MRPL42: variants seen among roughly 807,000 people sequenced by gnomAD.
The protein encoded by MRPL42 is mitochondrial ribosomal protein L42.
A neutral mutation model predicts 17.9 loss-of-function variants in MRPL42; 17 were observed. The ratio of observed to expected loss-of-function variants is 0.95; its 90% CI spans 0.65 to 1.42. The LOEUF is 1.42. Ranked by LOEUF, MRPL42 falls within the 40% of genes most tolerant of loss-of-function variation. The pLI is 0.00. For synonymous variants in MRPL42, 59 were observed against 54.4 expected, an observed-to-expected ratio of 1.08 and a Z score of -0.37; for missense variants, 177 against 175.2, an observed-to-expected ratio of 1.01 and a Z score of -0.06.
rs963139989 is a variant in MRPL42, at chr12:93,506,687, A to C, written c.*5466A>C. 9 of 152,228 alleles carry C rather than the reference A, an allele frequency of 5.9e-5. No homozygotes were observed. The highest frequency in any genetic ancestry group is 1.9e-4 in the African/African-American group (8 of 41,452). The allele number at this position is 152,228 out of a possible 1,614,324, so 9.4% of individuals were successfully genotyped here. ...GATAGCCCTCATTCCTGATTGACAA[A>C]GTATCTTGCTATGACCATCCCTTCT... On this transcript the variant is annotated 3_prime_UTR_variant, in exon 6 of 6. Transcript: ENST00000549982.
chr12:93,469,365 A>G lies in MRPL42; in HGVS notation c.70+10A>G. The stretch of plus-strand genomic sequence containing the variant: ...TTATTTCCAGTCCAAAGTAAGTGAA[A>G]TTTTTTTTAATGTTTAAAAACTTTT... On this transcript the variant is annotated intron_variant, in intron 2 of 5. Transcript: ENST00000549982. 6.3e-7 allele frequency: 1 copy of G among 1,577,854 alleles called. No homozygotes were observed. Among genetic ancestry groups the G allele is most frequent in the Admixed American group, 1.9e-5 (1 of 53,824 alleles).
chr12:93,478,825 G>A (rs1565811201), intron 3 of MRPL42, among the ~76,000 whole-genome samples: 1 of 152,072 alleles, frequency 6.6e-6, no homozygotes, highest in Non-Finnish European at 1.5e-5. Flanking sequence ...CTGTGGGATG[G>A]TCTTCATTTG....
rs1364927361 is a variant in MRPL42, at chr12:93,507,678, G to A, written c.*6457G>A. Reference sequence around the variant, plus strand: ...TGCAGCTGAGGTCACTAGTTGGGTTGTTGAGGCTGGCTAGTCCTAGATGGT... The same window carrying A: ...TGCAGCTGAGGTCACTAGTTGGGTTATTGAGGCTGGCTAGTCCTAGATGGT... On this transcript the variant is annotated 3_prime_UTR_variant, in exon 6 of 6. Transcript: ENST00000549982. 1 of 152,284 alleles carries A rather than the reference G, an allele frequency of 6.6e-6. No individual in the cohort carries two copies. The highest frequency in any genetic ancestry group is 1.5e-5 in the Non-Finnish European group (1 of 68,082). 9.4% of individuals were successfully genotyped at this position (152,284 alleles called of 1,614,324 possible).
rs1231987560 is a variant in MRPL42, at chr12:93,513,610, TATAGAA to T, written c.*12392_*12397del. ...ATTGAAGAATGACAAAAAGTTGAGT[TATAGAA>T]ATTATATTAATCTTAAATTCACATT... On this transcript the variant is annotated 3_prime_UTR_variant, in exon 6 of 6. Transcript: ENST00000549982. 1 of 152,216 alleles carries T rather than the reference TATAGAA, an allele frequency of 6.6e-6. No individual in the cohort carries two copies. The highest frequency in any genetic ancestry group is 1.5e-5 in the Non-Finnish European group (1 of 68,030). The allele number at this position is 152,216 out of a possible 1,614,324, so 9.4% of individuals were successfully genotyped here. A position where few individuals can be genotyped will look rare whatever the true frequency, so the allele number is the denominator to read the frequency against.
rs987300489 is a variant in MRPL42, at chr12:93,513,695, A to G, written c.*12474A>G. The G allele has an allele frequency of 3.9e-5, 6 of 152,096 alleles. No individual in the cohort carries two copies. Among genetic ancestry groups the G allele is most frequent in the Non-Finnish European group, 8.8e-5 (6 of 68,020 alleles). 9.4% of individuals were successfully genotyped at this position (152,096 alleles called of 1,614,324 possible). Reference sequence around the variant, plus strand: ...CTCTTTCCGTTTTATGTGTGTTCCAATTCTATTTATTGAAATTTAATTTTA... The same window carrying G: ...CTCTTTCCGTTTTATGTGTGTTCCAGTTCTATTTATTGAAATTTAATTTTA... On this transcript the variant is annotated 3_prime_UTR_variant, in exon 6 of 6. Transcript: ENST00000549982.
Position 93,511,926 on chromosome 12 carries a change from A to T in MRPL42, c.*10705A>T, listed in dbSNP as rs1953729251. On this transcript the variant is annotated 3_prime_UTR_variant, in exon 6 of 6. Transcript: ENST00000549982. ...TTTTATTTGAAAAAGTCTTGGTAGAAAAAGCATATCAACTGAACTGTACAG... is the reference window on the plus strand; with the variant it reads ...TTTTATTTGAAAAAGTCTTGGTAGATAAAGCATATCAACTGAACTGTACAG... The T allele has an allele frequency of 6.6e-6, 1 of 152,228 alleles. No individual in the cohort carries two copies. Among genetic ancestry groups the T allele is most frequent in the Non-Finnish European group, 1.5e-5 (1 of 68,042 alleles). 9.4% of individuals were successfully genotyped at this position (152,228 alleles called of 1,614,324 possible).
In MRPL42 at chr12:93,487,528, A is replaced by G. The variant is rs1349836266; in HGVS notation, c.251A>G (p.Asn84Ser). 6.2e-7 allele frequency: 1 copy of G among 1,613,938 alleles called. No homozygotes were observed. The highest frequency in any genetic ancestry group is 1.1e-5 in the South Asian group (1 of 91,064). Reference protein sequence around the residue: ...PIPRPDPVHNNEETHDQVLKT... With the variant: ...PIPRPDPVHNSEETHDQVLKT... ...CCTCGGCCAGATCCTGTGCATAATA[A>G]TGAAGAAACACATGATCAAGTGCTG... is the stretch of plus-strand genomic sequence containing the variant. The change falls in exon 5 of 6, where the codon AAT (asparagine) becomes AGT (serine). Residue 84 changes from asparagine (N) to serine (S), a missense_variant. By Grantham distance (46) the Asn-to-Ser change is conservative. Coordinates refer to ENST00000549982, the MANE Select transcript of MRPL42 (RefSeq NM_014050.4).
chr12:93,473,293 C>T (rs1370951233), intron 2 of MRPL42, among the ~76,000 whole-genome samples: 4 of 152,070 alleles, frequency 2.6e-5, no homozygotes. Context: ...TGAAGTCTCA[C>T]TCTGTTGCCC....
At position 93,476,978 on chromosome 12, in the gene MRPL42, A is replaced by T. The variant is rs375235330; in HGVS notation, c.95A>T (p.His32Leu). The part of the protein sequence containing the change: ...VQNGALYCVC[H>L]KSTYSPLPDD... The stretch of plus-strand genomic sequence containing the variant: ...GATGGAGCTTTATATTGTGTTTGTC[A>T]TAAATCTACGTATTCTCCTCTACCA... Residue 32 changes from histidine to leucine, a missense_variant, in exon 3 of 6, where the codon CAT becomes CTT. Physicochemically the swap from His to Leu is moderately conservative, Grantham distance 99 (BLOSUM62 -3). Coordinates refer to ENST00000549982, the MANE Select transcript of MRPL42 (RefSeq NM_014050.4). 6.2e-7 allele frequency: 1 copy of T among 1,609,664 alleles called. No individual in the cohort carries two copies. Among genetic ancestry groups the T allele is most frequent in the African/African-American group, 1.3e-5 (1 of 74,962 alleles).
At chr12:93,497,909 G>T (rs1953536055) in intron 5 of MRPL42, among the ~76,000 whole-genome samples, 1 of 148,146 alleles carries the variant, frequency 6.8e-6, no homozygotes. Context: ...TTACCTCTCT[G>T]CTCTCATGCC....
At chr12:93,479,120 C>T (rs770904829) in intron 3 of MRPL42, among the ~76,000 whole-genome samples, 2 of 150,950 alleles carry the variant, frequency 1.3e-5, no homozygotes, top group Non-Finnish European at 3.0e-5. Flanking sequence ...TTAGTAGAGA[C>T]GGGGTTTTGC....
intron 5 of MRPL42, 124 bp downstream of exon 5, chr12:93,487,784 C>G (rs79589017): frequency 0.053 from 46,561 of 877,826 alleles, 1,709 homozygotes; most frequent in South Asian, 0.14. Context: ...AGTAGAATCA[C>G]CTACTATGTT....
chr12:93,492,803 T>C (rs1388705662), intron 5 of MRPL42, among the ~76,000 whole-genome samples: 1 of 152,098 alleles, frequency 6.6e-6, no homozygotes, highest in Non-Finnish European at 1.5e-5. Flanking sequence ...ACATATCTTA[T>C]CATGCATGAA....
At position 93,475,751 on chromosome 12, in the gene MRPL42, G is replaced by A. The variant is rs184072516; in HGVS notation, c.71-1203G>A. Among the ~76,000 whole-genome samples, 464 of 152,168 alleles carry A rather than the reference G, an allele frequency of 3.0e-3. 5 individuals carry two copies. Among genetic ancestry groups the A allele is most frequent in the African/African-American group, 0.011 (442 of 41,534 alleles). ...TGTAATCCCAGCACTTTGGGAGGCC[G>A]AGGCAGGTGGATCACGAGGTCAGGA... On this transcript the variant is annotated intron_variant, in intron 2 of 5. Transcript: ENST00000549982.
chr12:93,489,322 G>A (rs1272853707), intron 5 of MRPL42, among the ~76,000 whole-genome samples: 1 of 152,060 alleles, frequency 6.6e-6, no homozygotes, highest in East Asian at 1.9e-4. Context: ...TTGGGTTATG[G>A]CACCCAGAAT....
At chr12:93,494,810 A>G (rs578239699) in intron 5 of MRPL42, among the ~76,000 whole-genome samples, 10 of 152,324 alleles carry the variant, frequency 6.6e-5, no homozygotes, top group Admixed American at 5.9e-4. Flanking sequence ...GAGACAAGGG[A>G]GATGAAAGGG....
intron 4 of MRPL42, among the ~76,000 whole-genome samples, chr12:93,480,611 G>A (rs1474235172): frequency 8.0e-5 from 12 of 149,832 alleles, no homozygotes; most frequent in African/African-American, 2.2e-4. Flanking sequence ...GCGCGATCTC[G>A]GCTCACAGCA....
At chr12:93,490,500 G>A (rs1280450724) in intron 5 of MRPL42, among the ~76,000 whole-genome samples, 1 of 152,176 alleles carries the variant, frequency 6.6e-6, no homozygotes, top group Non-Finnish European at 1.5e-5. Context: ...GTATCATCTT[G>A]CTGAATTTTA....
At chr12:93,492,401 T>A (rs1953432127) in intron 5 of MRPL42, among the ~76,000 whole-genome samples, 1 of 152,210 alleles carries the variant, frequency 6.6e-6, no homozygotes, top group South Asian at 2.1e-4. Context: ...TTTCATATGT[T>A]TGTTGGCTGC....
Sources: gnomAD v4.1 joint callset for allele counts (sites outside exome capture counted in the v4.1 genomes callset) on GRCh38, gnomAD v4.1.1 for gene constraint, MANE v1.5 for transcripts, NCBI Gene and HGNC (gene_info 2026-07-23, HGNC 2026-07-21) for gene names.